The following PHYHIPL variants were observed in gnomAD, a reference collection of about 807,000 sequenced individuals.
PHYHIPL encodes the protein phytanoyl-CoA hydroxylase-interacting protein-like.
PHYHIPL carries 9 observed loss-of-function variants against 33.4 expected under a neutral mutation model. The observed-to-expected ratio is 0.27, with a 90% CI of 0.16 to 0.47. The LOEUF (loss-of-function observed/expected upper bound fraction) is 0.47. Among genes scored for constraint, PHYHIPL ranks in the 20% least tolerant of loss-of-function variants. The probability of loss-of-function intolerance (pLI) is 0.99; values close to 1 mark genes in which losing one functional copy is unlikely to be tolerated. For synonymous variants in PHYHIPL, 153 were observed against 154.1 expected (o/e 0.99, Z 0.05); for missense variants, 365 against 460.7 (o/e 0.79, Z 1.90).
At chr10:59,183,813 G>C (rs1371781112) in intron 1 of PHYHIPL, 6 of 318,674 alleles carry the variant, frequency 1.9e-5, no homozygotes, top group African/African-American at 6.8e-5. Context: ...TGTTGTAGTG[G>C]TTGTGGCAAC....
chr10:59,206,965 G>A (rs760204009), intron 1 of PHYHIPL: 16 of 265,476 alleles, frequency 6.0e-5, no homozygotes, highest in South Asian at 2.7e-4. Context: ...GGCTTCTTTA[G>A]CAAAACAATA....
chr10:59,217,598 A>G (rs1312757924), intron 1 of PHYHIPL, among the ~76,000 whole-genome samples: 1 of 151,786 alleles, frequency 6.6e-6, no homozygotes, highest in Non-Finnish European at 1.5e-5. Context: ...TTGCATTTTT[A>G]TATTTTTGCA....
intron 1 of PHYHIPL, chr10:59,206,668 A>G: frequency 2.5e-6 from 1 of 396,350 alleles, no homozygotes; most frequent in Non-Finnish European, 3.8e-6. Flanking sequence ...ATTTAATTCA[A>G]ATTTGTATAT....
At chr10:59,176,397 C>G (rs1262703282), upstream of PHYHIPL, among the ~76,000 whole-genome samples, 4 of 152,120 alleles carry the variant, frequency 2.6e-5, no homozygotes, top group South Asian at 6.2e-4. Context: ...AGCGCTCGCC[C>G]TTCCCGCGCG....
At chr10:59,217,386 T>C (rs1327302487) in intron 1 of PHYHIPL, among the ~76,000 whole-genome samples, 2 of 152,014 alleles carry the variant, frequency 1.3e-5, no homozygotes, top group Non-Finnish European at 1.5e-5. Context: ...ATAAAATGAC[T>C]AATTTGTCAA....
At chr10:59,234,810 T>C (rs1202302108) in intron 2 of PHYHIPL, among the ~76,000 whole-genome samples, 1 of 151,892 alleles carries the variant, frequency 6.6e-6, no homozygotes, top group Non-Finnish European at 1.5e-5. Flanking sequence ...TGAGGTGTTA[T>C]AACCAGTTCA....
intron 4 of PHYHIPL, among the ~76,000 whole-genome samples, chr10:59,243,983 T>G (rs1840515688): frequency 6.6e-6 from 1 of 152,134 alleles, no homozygotes; most frequent in Non-Finnish European, 1.5e-5. Flanking sequence ...TACATAGTTA[T>G]GAAGAATGCA....
In PHYHIPL at chr10:59,209,936, G is replaced by A. The variant is rs527518383; in HGVS notation, c.107-24368G>A. Reference sequence around the variant, plus strand: ...AATATACAAAAATTAACTCAAGATGGATTAAAGACTTAAATGTAAGACCTA... The same window carrying A: ...AATATACAAAAATTAACTCAAGATGAATTAAAGACTTAAATGTAAGACCTA... On this transcript the variant is annotated intron_variant, in intron 1 of 4. Coordinates refer to ENST00000373880, the MANE Select transcript of PHYHIPL (RefSeq NM_032439.4). Among the ~76,000 whole-genome samples, 3 of 152,242 alleles carry A rather than the reference G, an allele frequency of 2.0e-5. No individual in the cohort carries two copies. The South Asian group carries it at 6.2e-4, about 32-fold the overall frequency.
At chr10:59,243,769 C>CA (rs1353005878) in intron 4 of PHYHIPL, among the ~76,000 whole-genome samples, 6 of 151,332 alleles carry the variant, frequency 4.0e-5, no homozygotes, top group South Asian at 2.1e-4. Context: ...AAACAAACAA[C>CA]AAAAAAAAGA....
At chr10:59,209,056 C>T (rs1839369144) in intron 1 of PHYHIPL, among the ~76,000 whole-genome samples, 1 of 151,930 alleles carries the variant, frequency 6.6e-6, no homozygotes, top group Non-Finnish European at 1.5e-5. Flanking sequence ...GGCCAATATT[C>T]AAATTCAGGA....
chr10:59,206,074 A>G (rs1589273779), intron 1 of PHYHIPL, among the ~76,000 whole-genome samples: 1 of 152,174 alleles, frequency 6.6e-6, no homozygotes, highest in Admixed American at 6.5e-5. Flanking sequence ...GCGCCTTCTT[A>G]TATCTATCTC....
intron 1 of PHYHIPL, among the ~76,000 whole-genome samples, chr10:59,212,094 A>G (rs1332894965): frequency 6.6e-6 from 1 of 152,068 alleles, no homozygotes; most frequent in Non-Finnish European, 1.5e-5. Flanking sequence ...GAAGAAGAAG[A>G]GAAGACTTGA....
intron 4 of PHYHIPL, among the ~76,000 whole-genome samples, chr10:59,243,784 A>G (rs1342091857): frequency 1.3e-5 from 2 of 152,166 alleles, no homozygotes; most frequent in Admixed American, 6.5e-5. Context: ...AAAAGAAGGC[A>G]GCACACTTGG....
intron 1 of PHYHIPL, among the ~76,000 whole-genome samples, chr10:59,232,882 G>A (rs1285100624): frequency 6.6e-6 from 1 of 151,826 alleles, no homozygotes; most frequent in Admixed American, 6.6e-5. Flanking sequence ...TTGTTTGAGT[G>A]TTTTTTGCCT....
intron 1 of PHYHIPL, among the ~76,000 whole-genome samples, chr10:59,184,487 C>T (rs1013039236): frequency 6.6e-6 from 1 of 151,972 alleles, no homozygotes; most frequent in African/African-American, 2.4e-5. Flanking sequence ...CAGGGTTTTG[C>T]GATTAGGCGA....
At chr10:59,215,807 A>G (rs1195956117) in intron 1 of PHYHIPL, among the ~76,000 whole-genome samples, 18 of 149,152 alleles carry the variant, frequency 1.2e-4, no homozygotes, top group Non-Finnish European at 5.9e-5. Flanking sequence ...GAGGTAAAGC[A>G]TTATAAGACA....
intron 1 of PHYHIPL, among the ~76,000 whole-genome samples, chr10:59,204,892 T>G (rs1839243219): frequency 6.6e-6 from 1 of 151,446 alleles, no homozygotes; most frequent in Non-Finnish European, 1.5e-5. Flanking sequence ...TGAGACAATT[T>G]TCGCTCTTAT....
intron 1 of PHYHIPL, chr10:59,206,809 G>A: frequency 8.2e-7 from 1 of 1,223,376 alleles, no homozygotes; most frequent in East Asian, 6.1e-5. Context: ...AGCACCATTG[G>A]TTCATGGCAA....
intron 2 of PHYHIPL, among the ~76,000 whole-genome samples, chr10:59,235,453 G>A (rs183933028): frequency 5.9e-4 from 90 of 151,806 alleles, no homozygotes; most frequent in Middle Eastern, 3.4e-3. Context: ...GTTTTAACTT[G>A]GTAGATACTT....
Sources: gnomAD v4.1 joint callset for allele counts (sites outside exome capture counted in the v4.1 genomes callset) on GRCh38, gnomAD v4.1.1 for gene constraint, MANE v1.5 for transcripts, NCBI Gene and HGNC (gene_info 2026-07-23, HGNC 2026-07-21) for gene names.